Variants in SLC6A12 observed in about 807,000 individuals in gnomAD.
SLC6A12 encodes the protein sodium- and chloride-dependent betaine transporter.
Under a neutral mutation model 73.3 loss-of-function variants are expected in SLC6A12, and 50 were observed. The ratio of observed to expected loss-of-function variants is 0.68; its 90% confidence interval spans 0.54 to 0.86. SLC6A12 has a LOEUF of 0.86. Among genes scored for constraint, SLC6A12 ranks in the 40% least tolerant of loss-of-function variants. The probability of loss-of-function intolerance (pLI) is 0.00; values close to 1 mark genes in which losing one functional copy is unlikely to be tolerated. For synonymous variants in SLC6A12, 304 were observed against 309.2 expected (o/e 0.98, Z 0.18); for missense variants, 648 against 772.8 (o/e 0.84, Z 1.92).
rs1939531421 is a variant in SLC6A12 at position 190,142 on chromosome 12, T to C, written c.*926A>G. On this transcript the variant is annotated 3_prime_UTR_variant, in exon 16 of 16. Transcript: ENST00000684302. ...GGGGGTTAATGGGAAGACACTGGCC[T>C]GAGCACAAGGAGATAAGGTTTTAGT... is the stretch of plus-strand genomic sequence containing the variant. 6.6e-6 allele frequency: 1 copy of C among 152,250 alleles called. No homozygotes were observed. The allele number at this position is 152,250 out of a possible 1,614,324, so 9.4% of individuals were successfully genotyped here. A position where few individuals can be genotyped will look rare whatever the true frequency, so the allele number is the denominator to read the frequency against.
At chr12:187,032 C>T (rs575963453), downstream of SLC6A12, among the ~76,000 whole-genome samples, 1 of 152,226 alleles carries the variant, frequency 6.6e-6, no homozygotes, top group Non-Finnish European at 1.5e-5. Flanking sequence ...TGAATTCAAA[C>T]GCAAAAGCGA....
At position 196,107 on chromosome 12, in the gene SLC6A12, C is replaced by T. The variant is rs1019860905; in HGVS notation, c.1326+17G>A. On this transcript the variant is annotated intron_variant, in intron 12 of 15. Coordinates refer to ENST00000684302, the MANE Select transcript of SLC6A12 (RefSeq NM_001122848.3). ...CTCCCCTGGAGCCTGGCCTGCAGGC[C>T]GGCGGCCGCAGCTCACCTCGGTGAC... 9.7e-6 allele frequency: 15 copies of T among 1,550,932 alleles called. No homozygotes were observed. Among genetic ancestry groups the T allele is most frequent in the South Asian group, 5.9e-5 (5 of 84,150 alleles).
chr12:201,626 G>T, intron 6 of SLC6A12, 136 bp downstream of exon 6: 1 of 685,768 alleles, frequency 1.5e-6, no homozygotes, highest in Admixed American at 2.2e-5. Flanking sequence ...GTGATGTGTG[G>T]GGTTGGAGTG....
rs775691317 is a variant in SLC6A12, at chr12:192,482, C to A, written c.1697G>T (p.Arg566Met). The A allele has an allele frequency of 6.2e-7, 1 of 1,613,938 alleles. No individual in the cohort carries two copies. The highest frequency in any genetic ancestry group is 2.2e-5 in the East Asian group (1 of 44,880). Residue 566 changes from arginine to methionine, a missense_variant, in exon 15 of 16, where the codon AGG (arginine) becomes ATG (methionine). Transcript: ENST00000684302. ...ACTCTCCCCTACACCACCTACCTTCCTGAAAGGACCCCGAGTCTTCAGGAG... is the reference window on the plus strand; with the variant it reads ...ACTCTCCCCTACACCACCTACCTTCATGAAAGGACCCCGAGTCTTCAGGAG... ...ITLLKTRGPF[R>M]KRLRQLITPD...
chr12:201,341 T>C (rs376081488), intron 6 of SLC6A12: 25 of 211,044 alleles, frequency 1.2e-4, no homozygotes, highest in African/African-American at 5.3e-4. Flanking sequence ...AGGGTGAGTG[T>C]GTGAGTGGAG....
chr12:204,310 C>T (rs9783527), intron 4 of SLC6A12: 9,988 of 484,870 alleles, frequency 0.021, 599 homozygotes, highest in African/African-American at 0.15. Flanking sequence ...CATGGTTGCC[C>T]CAAGAGGCAT....
At chr12:195,584 A>G (rs1939823838) in intron 12 of SLC6A12, among the ~76,000 whole-genome samples, 1 of 152,152 alleles carries the variant, frequency 6.6e-6, no homozygotes, top group Admixed American at 6.5e-5. Flanking sequence ...CCCCTTCTGG[A>G]AAGTGACACC....
intron 3 of SLC6A12, among the ~76,000 whole-genome samples, chr12:208,771 T>G (rs895199662): frequency 5.9e-5 from 9 of 152,156 alleles, no homozygotes; most frequent in Admixed American, 5.9e-4. Flanking sequence ...AAAGTGGTTG[T>G]GGTGATGGCT....
chr12:191,322 G>A (rs1024991715), intron 15 of SLC6A12, 111 bp from the exon 16 acceptor site: 19 of 904,540 alleles, frequency 2.1e-5, no homozygotes, highest in African/African-American at 1.7e-4. Context: ...GGCCAGCACC[G>A]CACAGTATGA....
At chr12:203,355 CTG>C (rs1940406131) in intron 4 of SLC6A12, 2 of 152,968 alleles carry the variant, frequency 1.3e-5, no homozygotes, top group African/African-American at 4.8e-5. Flanking sequence ...TAACGAAGGA[CTG>C]TGGACCTTTC....
chr12:200,261 A>C (rs376509677), intron 7 of SLC6A12, among the ~76,000 whole-genome samples: 1,873 of 149,234 alleles, frequency 0.013, 26 homozygotes, highest in Middle Eastern at 0.035. Context: ...GGTGCCCACC[A>C]CCACGCCCGG....
chr12:187,589 CAAAAAAAAAAAAAAAAAA>C (rs761187495), downstream of SLC6A12, among the ~76,000 whole-genome samples: 93 of 106,048 alleles, frequency 8.8e-4, no homozygotes, highest in African/African-American at 4.0e-3. Flanking sequence ...TGCAAAAGAG[CAAAAAAAAAAAAAAAAAA>C]AAAAAAAAAA....
At chr12:197,197 T>C (rs4994259) in intron 10 of SLC6A12, among the ~76,000 whole-genome samples, 180 bp downstream of exon 10, 1,202 of 5,344 alleles carry the variant, frequency 0.22, 53 homozygotes, top group South Asian at 0.36. Context: ...ATCCATCCAT[T>C]CATCCATCCA....
intron 5 of SLC6A12, among the ~76,000 whole-genome samples, chr12:202,347 T>C (rs1438742654): frequency 2.6e-5 from 4 of 152,228 alleles, no homozygotes; most frequent in African/African-American, 4.8e-5. Flanking sequence ...TTGTGTTTAT[T>C]TGTCTGTTCT....
At chr12:196,733 T>C in intron 11 of SLC6A12, 37 bp downstream of exon 11, 1 of 1,454,476 alleles carries the variant, frequency 6.9e-7, no homozygotes, top group African/African-American at 1.4e-5. Flanking sequence ...TGCAAGAGGG[T>C]CACCACGGCA....
chr12:187,084 G>A (rs542219197), downstream of SLC6A12, among the ~76,000 whole-genome samples: 5 of 152,310 alleles, frequency 3.3e-5, no homozygotes, highest in African/African-American at 1.2e-4. Flanking sequence ...GGAAGACTGT[G>A]GCAAACTCCA....
chr12:192,663 G>T lies in SLC6A12; in HGVS notation c.1531-15C>A. ...AGGAAAGTGGCCTGGGAGAAGGAAG[G>T]GGCAGCCATGGGTAAGATAGGGGGC... On this transcript the variant is annotated splice_polypyrimidine_tract_variant and intron_variant, in intron 14 of 15. Coordinates refer to ENST00000684302, the MANE Select transcript of SLC6A12 (RefSeq NM_001122848.3). 1 of 1,613,700 alleles carries T rather than the reference G, an allele frequency of 6.2e-7. No homozygotes were observed. Among genetic ancestry groups the T allele is most frequent in the Non-Finnish European group, 8.5e-7 (1 of 1,179,688 alleles).
At chr12:205,500 T>C (rs1453449832) in intron 3 of SLC6A12, among the ~76,000 whole-genome samples, 1 of 152,190 alleles carries the variant, frequency 6.6e-6, no homozygotes, top group Non-Finnish European at 1.5e-5. Flanking sequence ...GTTATCCCCA[T>C]TTTGCAGATA....
intron 3 of SLC6A12, 150 bp from the exon 4 acceptor site, chr12:204,848 C>A: frequency 2.5e-6 from 2 of 793,780 alleles, no homozygotes; most frequent in Non-Finnish European, 4.1e-6. Flanking sequence ...CTCCTGCCTG[C>A]GTGCAGTCCT....
Sources: gnomAD v4.1 joint callset for allele counts (sites outside exome capture counted in the v4.1 genomes callset) on GRCh38, gnomAD v4.1.1 for gene constraint, MANE v1.5 for transcripts, NCBI Gene and HGNC (gene_info 2026-07-23, HGNC 2026-07-21) for gene names.